Variants in GRK7 observed in about 807,000 individuals in gnomAD.
GRK7 encodes the protein G protein-coupled receptor kinase 7, also known as rhodopsin kinase GRK7.
Under a neutral mutation model 34.1 loss-of-function variants are expected in GRK7, and 24 were observed. The observed-to-expected ratio is 0.70, with a 90% confidence interval of 0.51 to 0.99. The LOEUF is 0.99. GRK7 is among the 50% of genes least tolerant of loss of function. GRK7 has a pLI of 0.00. For missense variants in GRK7, 644 were observed against 707.3 expected, an observed-to-expected ratio of 0.91 and a Z score of 1.02; for synonymous variants, 256 against 279.4, an observed-to-expected ratio of 0.92 and a Z score of 0.84.
intron 4 of GRK7, among the ~76,000 whole-genome samples, chr3:141,793,675 G>A (rs1407865579): frequency 6.6e-6 from 1 of 152,208 alleles, no homozygotes; most frequent in Non-Finnish European, 1.5e-5. Context: ...GCTGCCAGAA[G>A]GGGGCGGAAG....
At chr3:141,752,063 T>C in the GRK7 span, among the ~76,000 whole-genome samples, 1 of 152,346 alleles carries the variant, frequency 6.6e-6, no homozygotes, top group African/African-American at 2.4e-5. Flanking sequence ...AGGAAAGTAG[T>C]ATATGTTTTT....
rs2084667808 is a variant in GRK7, at chr3:141,780,663, C to T, written c.902C>T (p.Ala301Val). Residue 301 changes from alanine to valine, a missense_variant, in exon 4 of 6, where the codon GCC becomes GTC. By Grantham distance (64) the Ala-to-Val change is moderately conservative. Transcript: ENST00000682958. ...SRVIFYSAQI[A>V]CGMLHLHELG... ...GTGATCTTTTACTCGGCCCAGATAG[C>T]CTGTGGGATGCTGCACCTCCATGAA... 40 of 1,614,192 alleles carry T rather than the reference C, an allele frequency of 2.5e-5. No homozygotes were observed. Among genetic ancestry groups the T allele is most frequent in the Non-Finnish European group, 3.4e-5 (40 of 1,180,038 alleles).
the GRK7 span, among the ~76,000 whole-genome samples, chr3:141,755,439 C>T: frequency 0.065 from 9,914 of 152,276 alleles, 323 homozygotes; most frequent in South Asian, 0.11. Flanking sequence ...TTTAGCTTCT[C>T]TTAAGAATGT....
chr3:141,773,105 C>T (rs2084623578), intron 1 of GRK7, among the ~76,000 whole-genome samples: 3 of 148,826 alleles, frequency 2.0e-5, no homozygotes, highest in Middle Eastern at 3.5e-3. Flanking sequence ...CACTGCACTC[C>T]AGCCTGGCCA....
upstream of GRK7, among the ~76,000 whole-genome samples, chr3:141,762,200 T>G (rs569646355): frequency 6.6e-6 from 1 of 150,826 alleles, no homozygotes; most frequent in Non-Finnish European, 1.5e-5. Flanking sequence ...CTCTGCGTTT[T>G]AGAGTTTCCA....
chr3:141,798,053 C>T (rs1452976601), intron 4 of GRK7, among the ~76,000 whole-genome samples: 1 of 152,228 alleles, frequency 6.6e-6, no homozygotes, highest in African/African-American at 2.4e-5. Flanking sequence ...AGCCTGGGCC[C>T]TGCCAGTTCG....
chr3:141,793,001 C>T (rs1183282056), intron 4 of GRK7, among the ~76,000 whole-genome samples: 3 of 152,212 alleles, frequency 2.0e-5, no homozygotes, highest in Admixed American at 6.5e-5. Context: ...AAGAACACAT[C>T]CACGTGCTGG....
the GRK7 span, among the ~76,000 whole-genome samples, chr3:141,751,419 G>A: frequency 6.6e-6 from 1 of 151,966 alleles, no homozygotes; most frequent in Non-Finnish European, 1.5e-5. Context: ...GGTCTGTTAG[G>A]GAATATTAGC....
In GRK7 at chr3:141,807,907, G is replaced by A. The variant is rs747965204; in HGVS notation, c.1313G>A (p.Arg438His). The A allele has an allele frequency of 1.9e-5, 30 of 1,586,440 alleles. No homozygotes were observed. Among genetic ancestry groups the A allele is most frequent in the South Asian group, 5.8e-5 (5 of 85,970 alleles). ...RLFLAKKPEQ[R>H]LGSREKSDDP... ...TTCTTGGCTAAGAAACCAGAGCAAC[G>A]CTTAGGAAGCAGGTAAACTAGCATG... is the stretch of plus-strand genomic sequence containing the variant. Residue 438 changes from arginine to histidine, a missense_variant, in exon 5 of 6, where the codon CGC becomes CAC. Arg to His is a conservative substitution (Grantham distance 29). Coordinates refer to ENST00000682958, the MANE Select transcript of GRK7 (RefSeq NM_139209.3).
intron 4 of GRK7, among the ~76,000 whole-genome samples, chr3:141,802,765 C>G (rs569797403): frequency 6.6e-6 from 1 of 152,098 alleles, no homozygotes; most frequent in Non-Finnish European, 1.5e-5. Context: ...GGCAATATAG[C>G]TCTTCGGATA....
intron 4 of GRK7, among the ~76,000 whole-genome samples, chr3:141,787,917 G>A (rs2084704614): frequency 6.6e-6 from 1 of 152,144 alleles, no homozygotes; most frequent in African/African-American, 2.4e-5. Context: ...GGCTGAGGCA[G>A]GAGGATTGCT....
intron 4 of GRK7, among the ~76,000 whole-genome samples, chr3:141,800,516 C>T (rs948650912): frequency 6.6e-6 from 1 of 151,552 alleles, no homozygotes; most frequent in African/African-American, 2.4e-5. Flanking sequence ...TAATTATTAT[C>T]TTTTGAGATT....
In GRK7 at chr3:141,817,267, A is replaced by G. The variant is rs1711164949; in HGVS notation, c.*217A>G. On this transcript the variant is annotated 3_prime_UTR_variant, in exon 6 of 6. Transcript: ENST00000682958. The stretch of plus-strand genomic sequence containing the variant: ...TAAAGTCTCAGTTTTCACTGAGGGC[A>G]GGGAAAAGGAACACTCAGGTTTATT... 4.3e-6 allele frequency: 2 copies of G among 465,742 alleles called. No homozygotes were observed. The highest frequency in any genetic ancestry group is 3.3e-5 in the East Asian group (1 of 30,374). The allele number at this position is 465,742 out of a possible 1,614,324, so 28.9% of individuals were successfully genotyped here.
chr3:141,790,956 A>T (rs1336797541), intron 4 of GRK7, among the ~76,000 whole-genome samples: 3 of 152,250 alleles, frequency 2.0e-5, no homozygotes, highest in Non-Finnish European at 4.4e-5. Flanking sequence ...ATCATTGTAA[A>T]AGATTCCAAG....
chr3:141,796,856 A>G (rs1710885740), intron 4 of GRK7, among the ~76,000 whole-genome samples: 1 of 152,118 alleles, frequency 6.6e-6, no homozygotes, highest in African/African-American at 2.4e-5. Flanking sequence ...CCTGCCTGAG[A>G]CAACCAGAAC....
chr3:141,785,296 G>C (rs1271967444), intron 4 of GRK7, among the ~76,000 whole-genome samples: 1 of 152,148 alleles, frequency 6.6e-6, no homozygotes, highest in African/African-American at 2.4e-5. Flanking sequence ...AAATATAACA[G>C]AATACCAGAT....
chr3:141,779,409 C>CA lies in GRK7; in HGVS notation c.612+530dup, dbSNP rs10626329. Among the ~76,000 whole-genome samples the CA allele has an allele frequency of 2.5e-3, 242 of 96,476 alleles. 2 individuals carry two copies. Among genetic ancestry groups the CA allele is most frequent in the South Asian group, 8.5e-3 (21 of 2,484 alleles). 63.3% of individuals were successfully genotyped at this position (96,476 alleles called of 152,430 possible). ...CCAGCCTGGGTGACAGAGCAAGACT[C>CA]AAAAAAAAAAAAAAAAAGAAAGAAA... On this transcript the variant is annotated intron_variant, in intron 3 of 5. Transcript: ENST00000682958.
intron 4 of GRK7, among the ~76,000 whole-genome samples, chr3:141,805,160 C>T (rs531863731): frequency 6.6e-6 from 1 of 152,238 alleles, no homozygotes; most frequent in Non-Finnish European, 1.5e-5. Context: ...CGTGGGCCCC[C>T]CTGCGCGTGC....
At chr3:141,806,664 T>C (rs568263733) in intron 4 of GRK7, among the ~76,000 whole-genome samples, 36 of 151,962 alleles carry the variant, frequency 2.4e-4, no homozygotes, top group Non-Finnish European at 4.0e-4. Context: ...ATGATTCCAC[T>C]TATATGAGGT....
Sources: allele counts gnomAD v4.1 joint callset (sites outside exome capture counted in the v4.1 genomes callset), GRCh38; gene constraint gnomAD v4.1.1; transcripts MANE v1.5; gene names NCBI Gene and HGNC (gene_info 2026-07-23, HGNC 2026-07-21).